Variants in PCDHA13 observed in about 807,000 individuals in gnomAD.
PCDHA13 encodes the protein protocadherin alpha 13.
PCDHA13 carries 54 observed loss-of-function variants against 64.8 expected under a neutral mutation model. That is an observed-to-expected ratio of 0.83 (90% CI 0.67 to 1.04). The LOEUF is 1.04. PCDHA13 is among the 50% of genes least tolerant of loss of function. PCDHA13 has a pLI of 0.00. For missense variants in PCDHA13, 1,248 were observed against 1,254.3 expected (o/e 0.99, Z 0.08); for synonymous variants, 587 against 564.4 (o/e 1.04, Z -0.57).
chr5:140,920,630 G>A (rs937787340), intron 1 of PCDHA13, among the ~76,000 whole-genome samples: 1 of 152,060 alleles, frequency 6.6e-6, no homozygotes, highest in Non-Finnish European at 1.5e-5. Flanking sequence ...TGGATCACAA[G>A]GTCAAGAGAT....
chr5:140,908,430 C>T (rs543426512), intron 1 of PCDHA13, among the ~76,000 whole-genome samples: 56 of 152,262 alleles, frequency 3.7e-4, no homozygotes, highest in Admixed American at 7.2e-4. Flanking sequence ...TGCTGCTGTG[C>T]GCACCCCACT....
intron 3 of PCDHA13, among the ~76,000 whole-genome samples, chr5:141,008,031 T>C (rs566619568): frequency 1.3e-5 from 2 of 152,336 alleles, no homozygotes; most frequent in Admixed American, 6.5e-5. Flanking sequence ...TTCTTGTTAA[T>C]CTGCCTTTTG....
Position 140,913,476 on chromosome 5 carries a change from T to G in PCDHA13, c.2394+28814T>G, listed in dbSNP as rs191224245. On this transcript the variant is annotated intron_variant, in intron 1 of 3. Transcript: ENST00000289272. ...TTTATTTACTTGGGTCTTCTCTCTT[T>G]TTTTCTTCATTAGTCTGTTTAAAAC... Among the ~76,000 whole-genome samples the G allele has an allele frequency of 5.9e-3, 899 of 152,286 alleles. 12 individuals carry two copies. Among genetic ancestry groups the G allele is most frequent in the African/African-American group, 0.02 (842 of 41,576 alleles).
chr5:140,981,141 A>G (rs957272254), intron 2 of PCDHA13, among the ~76,000 whole-genome samples: 2 of 152,242 alleles, frequency 1.3e-5, no homozygotes, highest in African/African-American at 4.8e-5. Flanking sequence ...AAAGAGTGAG[A>G]AAACATTGAA....
At chr5:140,950,882 G>C (rs1182849126) in intron 1 of PCDHA13, among the ~76,000 whole-genome samples, 1 of 151,764 alleles carries the variant, frequency 6.6e-6, no homozygotes, top group Non-Finnish European at 1.5e-5. Flanking sequence ...TTGTTCAATA[G>C]GTCTCTGAGA....
intron 1 of PCDHA13, among the ~76,000 whole-genome samples, chr5:140,902,647 G>A (rs1286700570): frequency 6.6e-6 from 1 of 150,932 alleles, no homozygotes; most frequent in African/African-American, 2.4e-5. Context: ...CTGAGATTTT[G>A]GTGCACCTGT....
chr5:140,904,826 T>C (rs1251990612), intron 1 of PCDHA13, among the ~76,000 whole-genome samples: 1 of 152,206 alleles, frequency 6.6e-6, no homozygotes. Flanking sequence ...GAGCATTTTT[T>C]TATATGTTTC....
chr5:141,010,353 G>T lies in PCDHA13; in HGVS notation c.*416G>T. On this transcript the variant is annotated 3_prime_UTR_variant, in exon 4 of 4. Transcript: ENST00000289272. Reference sequence around the variant, plus strand: ...AGTTTGTGGCCACTGGGTATGTGTGGCTACCGCGGGTATGCGAGTGCCAGA... The same window carrying T: ...AGTTTGTGGCCACTGGGTATGTGTGTCTACCGCGGGTATGCGAGTGCCAGA... The T allele has an allele frequency of 6.6e-7, 1 of 1,507,486 alleles. No homozygotes were observed. Among genetic ancestry groups the T allele is most frequent in the Non-Finnish European group, 8.9e-7 (1 of 1,128,244 alleles). 93.4% of individuals were successfully genotyped at this position (1,507,486 alleles called of 1,614,324 possible).
intron 1 of PCDHA13, among the ~76,000 whole-genome samples, chr5:140,896,747 G>C (rs1162214018): frequency 1.3e-5 from 2 of 152,070 alleles, no homozygotes; most frequent in Admixed American, 1.3e-4. Context: ...ATAGATTCTG[G>C]ATATTAGACC....
intron 3 of PCDHA13, among the ~76,000 whole-genome samples, chr5:140,998,072 C>T (rs1554256158): frequency 6.6e-6 from 1 of 152,168 alleles, no homozygotes; most frequent in African/African-American, 2.4e-5. Context: ...CAGACTTAGC[C>T]TCTGCAGTTG....
intron 1 of PCDHA13, among the ~76,000 whole-genome samples, chr5:140,894,375 T>G (rs1246573357): frequency 1.3e-5 from 2 of 152,054 alleles, no homozygotes; most frequent in Non-Finnish European, 2.9e-5. Context: ...ATGGCTCCAA[T>G]TATATTTGTA....
intron 3 of PCDHA13, among the ~76,000 whole-genome samples, chr5:140,985,739 CT>C (rs11372071): frequency 0.013 from 1,497 of 117,900 alleles, 11 homozygotes; most frequent in African/African-American, 0.038. Flanking sequence ...TGATGAATTC[CT>C]TTTTTTTTTT....
intron 1 of PCDHA13, chr5:140,969,129 C>T: frequency 6.2e-7 from 1 of 1,614,144 alleles, no homozygotes; most frequent in Non-Finnish European, 8.5e-7. Context: ...GGCTCCCTCA[C>T]CAAGACCTAC....
chr5:140,955,234 G>C (rs1373509371), intron 1 of PCDHA13, among the ~76,000 whole-genome samples: 12 of 152,184 alleles, frequency 7.9e-5, no homozygotes, highest in Middle Eastern at 3.4e-3. Flanking sequence ...TTGTTCTTTT[G>C]CTTAGGATCG....
At chr5:140,940,194 G>T (rs1455968152) in intron 1 of PCDHA13, among the ~76,000 whole-genome samples, 4 of 152,118 alleles carry the variant, frequency 2.6e-5, no homozygotes, top group East Asian at 1.9e-4. Context: ...TTTTACATGG[G>T]TGTAAAATTC....
chr5:140,938,753 T>G (rs1381426227), intron 1 of PCDHA13, among the ~76,000 whole-genome samples: 3 of 152,170 alleles, frequency 2.0e-5, no homozygotes, highest in Admixed American at 1.3e-4. Flanking sequence ...TTTAAAGGCA[T>G]AGTTATTGGG....
chr5:140,916,864 T>A (rs2077768356), intron 1 of PCDHA13, among the ~76,000 whole-genome samples: 1 of 152,156 alleles, frequency 6.6e-6, no homozygotes, highest in African/African-American at 2.4e-5. Flanking sequence ...AGGAGTTACC[T>A]AGGAATTGCA....
At chr5:140,929,209 G>T in intron 1 of PCDHA13, 1 of 1,614,054 alleles carries the variant, frequency 6.2e-7, no homozygotes, top group Non-Finnish European at 8.5e-7. Context: ...GCTGTTGCGT[G>T]GGGAGTACAA....
chr5:140,926,641 C>A, intron 1 of PCDHA13: 1 of 460,388 alleles, frequency 2.2e-6, no homozygotes, highest in Non-Finnish European at 3.6e-6. Flanking sequence ...TCCTCAACAC[C>A]CGGCCGGCTC....
Sources: gnomAD v4.1 joint callset for allele counts (sites outside exome capture counted in the v4.1 genomes callset) on GRCh38, gnomAD v4.1.1 for gene constraint, MANE v1.5 for transcripts, NCBI Gene and HGNC (gene_info 2026-07-23, HGNC 2026-07-21) for gene names.